MFSD6: variants seen among roughly 807,000 people sequenced by gnomAD.
MFSD6 encodes the protein major facilitator superfamily domain containing 6.
Under a neutral mutation model 56.3 loss-of-function variants are expected in MFSD6, and 26 were observed. That is an observed-to-expected ratio of 0.46 (90% confidence interval 0.34 to 0.64). The LOEUF is 0.64. MFSD6 is among the 30% of genes least tolerant of loss of function. The pLI is 0.01. For missense variants in MFSD6, 750 were observed against 986.2 expected (o/e 0.76, Z 3.21); for synonymous variants, 331 against 366.9 (o/e 0.90, Z 1.12).
At chr2:190,419,776 C>A (rs1685539968) in intron 2 of MFSD6, among the ~76,000 whole-genome samples, 1 of 152,216 alleles carries the variant, frequency 6.6e-6, no homozygotes, top group African/African-American at 2.4e-5. Context: ...TGCCTCTCAT[C>A]AATAATTCAG....
intron 3 of MFSD6, among the ~76,000 whole-genome samples, chr2:190,445,623 C>T (rs1686550995): frequency 1.3e-5 from 2 of 152,058 alleles, no homozygotes; most frequent in Non-Finnish European, 2.9e-5. Context: ...TACTACCATT[C>T]GGATACATAA....
Position 190,438,680 on chromosome 2 carries a change from C to T in MFSD6, c.1532+1119C>T, listed in dbSNP as rs988265172. On this transcript the variant is annotated intron_variant, in intron 3 of 7. Transcript: ENST00000392328. The surrounding 1 kb of genome is among the most constrained non-coding windows in gnomAD (Gnocchi z 5.2). ...TGCCTTACAGAAAAGTACGACATGT[C>T]TGTTCCTAAAATGTGAAGTTGCTGT... Among the ~76,000 whole-genome samples the T allele has an allele frequency of 7.9e-5, 12 of 152,292 alleles. No individual in the cohort carries two copies. The highest frequency in any genetic ancestry group is 2.9e-4 in the African/African-American group (12 of 41,544).
At chr2:190,441,712 ACT>A (rs903222102) in intron 3 of MFSD6, among the ~76,000 whole-genome samples, 3 of 151,274 alleles carry the variant, frequency 2.0e-5, no homozygotes, top group African/African-American at 7.3e-5. Context: ...CGCTTCCCAG[ACT>A]CTCAGCCTTG....
chr2:190,411,341 G>T, intron 1 of MFSD6: 1 of 452,640 alleles, frequency 2.2e-6, no homozygotes, highest in Non-Finnish European at 2.9e-6. Flanking sequence ...TATTTTTTTA[G>T]TAGAGACGGG....
chr2:190,477,253 A>C, intron 4 of MFSD6: 5 of 983,650 alleles, frequency 5.1e-6, no homozygotes, highest in Non-Finnish European at 6.0e-6. Context: ...AGAATGATTC[A>C]ATAACAAGGT....
In MFSD6 at chr2:190,469,205, A is replaced by C. The variant is rs530892347; in HGVS notation, c.1533-553A>C. Among the ~76,000 whole-genome samples the C allele has an allele frequency of 3.3e-5, 5 of 152,312 alleles. No individual in the cohort carries two copies. Among genetic ancestry groups the C allele is most frequent in the Admixed American group, 6.5e-5 (1 of 15,304 alleles). On this transcript the variant is annotated intron_variant, in intron 3 of 7. Transcript: ENST00000392328. The surrounding 1 kb of genome is among the most constrained non-coding windows in gnomAD (Gnocchi z 5.3). ...GATAGGAGAAACTATTTGATTTCCA[A>C]ATAGTTTATAGTAGTTAGTGAATGA...
chr2:190,450,515 AG>A (rs2125086635), intron 3 of MFSD6, among the ~76,000 whole-genome samples: 1 of 96,984 alleles, frequency 1.0e-5, no homozygotes, highest in African/African-American at 3.8e-5. Flanking sequence ...TTTTTGAGAC[AG>A]GGGTCTCACT....
chr2:190,497,834 G>A lies in MFSD6; in HGVS notation c.2172+115G>A, dbSNP rs1357221909. On this transcript the variant is annotated intron_variant, in intron 7 of 7. Transcript: ENST00000392328. The surrounding 1 kb of genome is among the most constrained non-coding windows in gnomAD (Gnocchi z 5.2). ...AAGATTTATTGAAAGTCTGGTGGGGGAAATAGACATGCAAACAATTTCAGT... is the reference window on the plus strand; with the variant it reads ...AAGATTTATTGAAAGTCTGGTGGGGAAAATAGACATGCAAACAATTTCAGT... The A allele has an allele frequency of 4.0e-6, 5 of 1,253,184 alleles. No individual in the cohort carries two copies. Among genetic ancestry groups the A allele is most frequent in the Non-Finnish European group, 5.5e-6 (5 of 907,158 alleles). 77.6% of individuals were successfully genotyped at this position (1,253,184 alleles called of 1,614,324 possible). A position where few individuals can be genotyped will look rare whatever the true frequency, so the allele number is the denominator to read the frequency against.
At chr2:190,445,458 A>AC (rs1559115690) in intron 3 of MFSD6, among the ~76,000 whole-genome samples, 20 of 13,938 alleles carry the variant, frequency 1.4e-3, no homozygotes, top group African/African-American at 2.2e-3. Flanking sequence ...CCCCAATCAC[A>AC]AAAAAAAAAA....
At position 190,410,198 on chromosome 2, in the gene MFSD6, T is replaced by A. The variant is rs1053070916; in HGVS notation, c.-176+1695T>A. Among the ~76,000 whole-genome samples, 5 of 152,168 alleles carry A rather than the reference T, an allele frequency of 3.3e-5. No individual in the cohort carries two copies. Among genetic ancestry groups the A allele is most frequent in the Non-Finnish European group, 7.3e-5 (5 of 68,028 alleles). ...GGACTATTAACAGTATTAAGGCATT[T>A]TTTTGGGTACTTATTATGTTCAAGA... On this transcript the variant is annotated intron_variant, in intron 1 of 7. Transcript: ENST00000392328. This position sits in a 1 kb window ranked among gnomAD's most constrained non-coding sequence, Gnocchi z 4.4.
chr2:190,469,840 A>G lies in MFSD6; in HGVS notation c.1615A>G (p.Met539Val). ...YLENAWTVLPMEVLQGVTHAA... is the reference protein window; with the variant it reads ...YLENAWTVLPVEVLQGVTHAA... ...GGAGAATGCCTGGACTGTTCTCCCC[A>G]TGGAAGTTCTTCAAGGTAAGTTAAC... Residue 539 changes from methionine (M) to valine (V), a missense_variant, in exon 4 of 8, where the codon ATG becomes GTG. Met to Val is a conservative substitution (Grantham distance 21). This residue lies in a region of MFSD6 where 125 missense variants were observed against 223.1 expected (regional missense o/e 0.56). Transcript: ENST00000392328. The surrounding 1 kb of genome is among the most constrained non-coding windows in gnomAD (Gnocchi z 5.3). 2 of 1,604,416 alleles carry G rather than the reference A, an allele frequency of 1.2e-6. No individual in the cohort carries two copies. The highest frequency in any genetic ancestry group is 1.1e-5 in the South Asian group (1 of 90,086).
rs1191404367 is a variant in MFSD6, at chr2:190,433,067, A to G, written c.-53-2910A>G. Among the ~76,000 whole-genome samples, 2 of 152,120 alleles carry G rather than the reference A, an allele frequency of 1.3e-5. No homozygotes were observed. Among genetic ancestry groups the G allele is most frequent in the Non-Finnish European group, 2.9e-5 (2 of 68,036 alleles). ...CTTTCCGTAATTTTATTTTATTGCT[A>G]TTATGTGCCCTTTAATCTTTCTAGC... On this transcript the variant is annotated intron_variant, in intron 2 of 7. Transcript: ENST00000392328. This position sits in a 1 kb window ranked among gnomAD's most constrained non-coding sequence, Gnocchi z 4.5.
Position 190,418,719 on chromosome 2 carries a change from T to C in MFSD6, c.-54+3306T>C, listed in dbSNP as rs1457185263. 6.6e-6 allele frequency among the ~76,000 whole-genome samples: 1 copy of C among 152,214 alleles called. No individual in the cohort carries two copies. The highest frequency in any genetic ancestry group is 1.5e-5 in the Non-Finnish European group (1 of 68,042). ...CTGCAGTGAGCTGTGATTGTGCCAC[T>C]GCGCTCCAGCCTGGGTGGCAGAAGG... On this transcript the variant is annotated intron_variant, in intron 2 of 7. Transcript: ENST00000392328. The surrounding 1 kb of genome is among the most constrained non-coding windows in gnomAD (Gnocchi z 4.1).
intron 3 of MFSD6, among the ~76,000 whole-genome samples, chr2:190,444,085 T>G (rs1378042380): frequency 6.6e-6 from 1 of 152,196 alleles, no homozygotes; most frequent in East Asian, 1.9e-4. Context: ...ATGAGTAGTC[T>G]AATTAAGTTA....
At chr2:190,473,951 A>G (rs991594403) in intron 4 of MFSD6, among the ~76,000 whole-genome samples, 3 of 151,912 alleles carry the variant, frequency 2.0e-5, no homozygotes, top group African/African-American at 7.3e-5. Flanking sequence ...TGAACAACCT[A>G]CTCCTGAATG....
rs1690492773 is a variant in MFSD6 at position 190,410,052 on chromosome 2, C to T, written c.-176+1549C>T. On this transcript the variant is annotated intron_variant, in intron 1 of 7. Transcript: ENST00000392328. The surrounding 1 kb of genome is among the most constrained non-coding windows in gnomAD (Gnocchi z 4.4). Reference sequence around the variant, plus strand: ...AGCAGTTTATTTCTAAGGCACTTTCCATCTCTATACAAATAAATATAAAAG... The same window carrying T: ...AGCAGTTTATTTCTAAGGCACTTTCTATCTCTATACAAATAAATATAAAAG... Among the ~76,000 whole-genome samples the T allele has an allele frequency of 6.6e-6, 1 of 152,058 alleles. No individual in the cohort carries two copies. The highest frequency in any genetic ancestry group is 2.4e-5 in the African/African-American group (1 of 41,388).
chr2:190,469,843 G>A lies in MFSD6; in HGVS notation c.1618G>A (p.Glu540Lys), dbSNP rs563604658. The A allele has an allele frequency of 5.6e-6, 9 of 1,603,994 alleles. No homozygotes were observed. The South Asian group carries it at 8.9e-5, about 16-fold the overall frequency. ...LENAWTVLPM[E>K]VLQGVTHAAI... The stretch of plus-strand genomic sequence containing the variant: ...GAATGCCTGGACTGTTCTCCCCATG[G>A]AAGTTCTTCAAGGTAAGTTAACAGC... The change falls in exon 4 of 8, where the codon GAA becomes AAA. Residue 540 changes from glutamate (E) to lysine (K), a missense_variant. By Grantham distance (56) the Glu-to-Lys change is moderately conservative. Transcript: ENST00000392328. The surrounding 1 kb of genome is among the most constrained non-coding windows in gnomAD (Gnocchi z 5.3).
chr2:190,478,981 G>A (rs1452367899), intron 4 of MFSD6, among the ~76,000 whole-genome samples: 6 of 152,116 alleles, frequency 3.9e-5, no homozygotes, highest in Non-Finnish European at 5.9e-5. Context: ...TATAGCCCCC[G>A]CTACCCAGCC....
rs545512177 is a variant in MFSD6, at chr2:190,489,995, G to C, written c.1891+129G>C. On this transcript the variant is annotated intron_variant, in intron 6 of 7. Coordinates refer to ENST00000392328, the MANE Select transcript of MFSD6 (RefSeq NM_017694.4). The surrounding 1 kb of genome is among the most constrained non-coding windows in gnomAD (Gnocchi z 6.6). ...TGTTTGGCTCAATTTTCTGAGTGGC[G>C]TATCGATGAATTCATGTGGACTATT... The C allele has an allele frequency of 1.5e-6, 1 of 678,904 alleles. No individual in the cohort carries two copies. The highest frequency in any genetic ancestry group is 3.2e-5 in the Admixed American group (1 of 30,792). The allele number at this position is 678,904 out of a possible 1,614,324, so 42.1% of individuals were successfully genotyped here.
Sources: gnomAD v4.1 joint callset for allele counts (sites outside exome capture counted in the v4.1 genomes callset) on GRCh38, gnomAD v4.1.1 for gene constraint, gnomAD v4.1.1 regional missense constraint, Gnocchi (gnomAD v3.1) non-coding constraint, MANE v1.5 for transcripts, NCBI Gene and HGNC (gene_info 2026-07-23, HGNC 2026-07-21) for gene names.